Variants in IFTAP observed in about 807,000 individuals in gnomAD.
IFTAP encodes the protein intraflagellar transport associated protein, also known as intraflagellar transport-associated protein.
Under a neutral mutation model 19.4 loss-of-function variants are expected in IFTAP, and 19 were observed. The ratio of observed to expected loss-of-function variants is 0.98; its 90% CI spans 0.68 to 1.44. The LOEUF (loss-of-function observed/expected upper bound fraction) is 1.44. Among genes scored for constraint, IFTAP ranks in the 40% most tolerant of loss-of-function variants. IFTAP has a pLI of 0.00. For missense variants in IFTAP, 240 were observed against 253.6 expected, an observed-to-expected ratio of 0.95 and a Z score of 0.36; for synonymous variants, 85 against 83.5, an observed-to-expected ratio of 1.02 and a Z score of -0.10.
intron 1 of IFTAP, among the ~76,000 whole-genome samples, chr11:36,604,800 T>C (rs1263883915): frequency 6.6e-6 from 1 of 152,130 alleles, no homozygotes; most frequent in Non-Finnish European, 1.5e-5. Flanking sequence ...ACATGAAGTT[T>C]CTTTCCCATA....
Position 36,610,168 on chromosome 11 carries a change from A to G in IFTAP, c.65A>G (p.Asp22Gly). Residue 22 changes from aspartate to glycine, a missense_variant, in exon 2 of 6, where the codon GAT becomes GGT. By Grantham distance (94) the Asp-to-Gly change is moderately conservative. Coordinates refer to ENST00000334307, the MANE Select transcript of IFTAP (RefSeq NM_138787.4). Reference sequence around the variant, plus strand: ...GATCAATTAATCAAAGACGTCTTGGATAAATTCCTTAATTGTCATGAGCAA... The same window carrying G: ...GATCAATTAATCAAAGACGTCTTGGGTAAATTCCTTAATTGTCATGAGCAA... Reference protein sequence around the residue: ...DEDQLIKDVLDKFLNCHEQTY... With the variant: ...DEDQLIKDVLGKFLNCHEQTY... The G allele has an allele frequency of 6.2e-7, 1 of 1,611,274 alleles. No homozygotes were observed.
chr11:36,649,616 T>TA (rs1261848960), intron 5 of IFTAP, among the ~76,000 whole-genome samples: 2 of 152,060 alleles, frequency 1.3e-5, no homozygotes, highest in South Asian at 2.1e-4. Flanking sequence ...ATTAATGGGT[T>TA]AAAAAAACTG....
intron 1 of IFTAP, among the ~76,000 whole-genome samples, chr11:36,601,266 T>C (rs1478404565): frequency 2.0e-5 from 3 of 152,226 alleles, no homozygotes; most frequent in Non-Finnish European, 4.4e-5. Flanking sequence ...GAAAGGTAGA[T>C]GTTTGGCTCG....
chr11:36,648,295 C>T (rs1853574373), intron 5 of IFTAP, 140 bp downstream of exon 5: 3 of 987,178 alleles, frequency 3.0e-6, no homozygotes, highest in African/African-American at 1.6e-5. Flanking sequence ...GTCCCTCTCA[C>T]AGCCATCTAT....
chr11:36,619,933 G>A (rs1275139038), intron 2 of IFTAP, among the ~76,000 whole-genome samples: 1 of 140,148 alleles, frequency 7.1e-6, no homozygotes, highest in Non-Finnish European at 1.5e-5. Flanking sequence ...ATGGCAAATA[G>A]CAATAAACTT....
At chr11:36,597,933 G>A (rs921131540) in intron 1 of IFTAP, among the ~76,000 whole-genome samples, 2 of 152,068 alleles carry the variant, frequency 1.3e-5, no homozygotes, top group African/African-American at 2.4e-5. Context: ...AGCAGCCAGA[G>A]AACAGAAAGC....
chr11:36,630,440 C>A (rs780212828), intron 2 of IFTAP, among the ~76,000 whole-genome samples: 4 of 151,314 alleles, frequency 2.6e-5, no homozygotes, highest in Admixed American at 1.3e-4. Flanking sequence ...TGAAAACTTT[C>A]TGTTTATAAA....
rs574271118 is a variant in IFTAP, at chr11:36,625,523, G to A, written c.137-7761G>A. Among the ~76,000 whole-genome samples, 7 of 152,184 alleles carry A rather than the reference G, an allele frequency of 4.6e-5. No individual in the cohort carries two copies. In the East Asian group the frequency reaches 9.6e-4, roughly 21 times the overall value. ...TTTGATGACTTCCTGGTATTCACTT[G>A]TATGGATATTTGTTTAGCCATTCTC... On this transcript the variant is annotated intron_variant, in intron 2 of 5. Transcript: ENST00000334307.
At chr11:36,633,921 A>G (rs976021325) in intron 3 of IFTAP, among the ~76,000 whole-genome samples, 1 of 152,096 alleles carries the variant, frequency 6.6e-6, no homozygotes, top group African/African-American at 2.4e-5. Context: ...CTCCTCAGCT[A>G]TGATTTTTAA....
intron 2 of IFTAP, among the ~76,000 whole-genome samples, chr11:36,612,491 AT>A (rs1851911144): frequency 6.6e-6 from 1 of 152,038 alleles, no homozygotes; most frequent in Non-Finnish European, 1.5e-5. Flanking sequence ...AGCAGAATTG[AT>A]CAAGGTAAAT....
chr11:36,647,918 A>T, intron 4 of IFTAP, 98 bp from the exon 5 acceptor site: 1 of 1,388,092 alleles, frequency 7.2e-7, no homozygotes, highest in South Asian at 1.3e-5. Context: ...TTACATGAGC[A>T]TATTTGCTTC....
At chr11:36,641,765 A>G (rs962043484) in intron 4 of IFTAP, among the ~76,000 whole-genome samples, 4 of 152,090 alleles carry the variant, frequency 2.6e-5, no homozygotes, top group African/African-American at 9.7e-5. Context: ...TTTGGGGTGG[A>G]GAGTTTTGTA....
intron 2 of IFTAP, among the ~76,000 whole-genome samples, chr11:36,621,334 CTT>C (rs1852282806): frequency 6.6e-6 from 1 of 151,928 alleles, no homozygotes; most frequent in Non-Finnish European, 1.5e-5. Context: ...AAACAGGAAA[CTT>C]TATTTTAACC....
intron 5 of IFTAP, among the ~76,000 whole-genome samples, chr11:36,656,830 G>C (rs1312045821): frequency 6.6e-6 from 1 of 152,052 alleles, no homozygotes; most frequent in Non-Finnish European, 1.5e-5. Flanking sequence ...GGTTATTTGT[G>C]TTCTGTAGAG....
intron 2 of IFTAP, among the ~76,000 whole-genome samples, chr11:36,620,832 A>G (rs933719491): frequency 1.3e-5 from 2 of 151,672 alleles, no homozygotes; most frequent in Admixed American, 1.3e-4. Context: ...ACATAAAAGA[A>G]TCATTTTCTT....
intron 2 of IFTAP, among the ~76,000 whole-genome samples, chr11:36,623,440 A>G (rs1852384694): frequency 6.6e-6 from 1 of 151,978 alleles, no homozygotes; most frequent in African/African-American, 2.4e-5. Flanking sequence ...ATATTATTTA[A>G]AAGGCATTTT....
chr11:36,647,976 C>T, intron 4 of IFTAP, 40 bp from the exon 5 acceptor site: 1 of 1,596,180 alleles, frequency 6.3e-7, no homozygotes, highest in South Asian at 1.1e-5. Context: ...AAATTGTGAA[C>T]TTTGCGAAAG....
chr11:36,611,228 A>G (rs16929141), intron 2 of IFTAP, among the ~76,000 whole-genome samples: 12,930 of 152,120 alleles, frequency 0.085, 639 homozygotes, highest in African/African-American at 0.11. Context: ...GATTGCCATC[A>G]GCTTGCTCTC....
chr11:36,626,060 A>G (rs1040778226), intron 2 of IFTAP, among the ~76,000 whole-genome samples: 2 of 150,906 alleles, frequency 1.3e-5, no homozygotes, highest in East Asian at 1.9e-4. Context: ...ATAGCTTTGT[A>G]GGTCCTTGCA....
Sources: gnomAD v4.1 joint callset for allele counts (sites outside exome capture counted in the v4.1 genomes callset) on GRCh38, gnomAD v4.1.1 for gene constraint, MANE v1.5 for transcripts, NCBI Gene and HGNC (gene_info 2026-07-23, HGNC 2026-07-21) for gene names.